The following LEMD3 variants were observed in gnomAD, a reference collection of about 807,000 sequenced individuals.
The protein encoded by LEMD3 is inner nuclear membrane protein Man1.
LEMD3 carries 33 observed loss-of-function variants against 95.2 expected under a neutral mutation model. The observed-to-expected ratio is 0.35, with a 90% confidence interval of 0.26 to 0.46. The LOEUF is 0.46. Ranked by LOEUF, LEMD3 falls within the 20% of genes least tolerant of loss-of-function variation. The pLI, the probability that LEMD3 is intolerant of heterozygous loss-of-function variation, is 1.00. For synonymous variants in LEMD3, 525 were observed against 474.6 expected (o/e 1.11, Z -1.38); for missense variants, 1,210 against 1,192.8 (o/e 1.01, Z -0.21).
intron 8 of LEMD3, chr12:65,240,518 G>T: frequency 2.3e-6 from 1 of 436,294 alleles, no homozygotes; most frequent in Non-Finnish European, 4.1e-6. Flanking sequence ...ATTTCATCTT[G>T]ATAAAGAAAT....
rs938644799 is a variant in LEMD3 at position 65,234,336 on chromosome 12, T to G, written c.1696-4166T>G. ...GACCAACCCCTGCCGTGCCCACAGC[T>G]TTCCAGGTGGCTACAAAAAGTGAAT... is the stretch of plus-strand genomic sequence containing the variant. On this transcript the variant is annotated intron_variant, in intron 4 of 12. Transcript: ENST00000308330. Among the ~76,000 whole-genome samples the G allele has an allele frequency of 1.2e-4, 18 of 152,306 alleles. 1 individual carries two copies. The highest frequency in any genetic ancestry group is 9.8e-4 in the Admixed American group (15 of 15,290).
chr12:65,239,288 G>T (rs1205157467), intron 6 of LEMD3, among the ~76,000 whole-genome samples: 4 of 151,856 alleles, frequency 2.6e-5, no homozygotes. Flanking sequence ...AGCTTTAGTG[G>T]CTCACACCTG....
At chr12:65,240,621 T>G in intron 8 of LEMD3, 1 of 428,072 alleles carries the variant, frequency 2.3e-6, no homozygotes, top group Non-Finnish European at 4.1e-6. Context: ...AAAATGCAAC[T>G]TTTTGAAAAT....
intron 10 of LEMD3, 64 bp from the exon 11 acceptor site, chr12:65,245,605 G>C (rs1304087870): frequency 9.6e-7 from 1 of 1,043,744 alleles, no homozygotes; most frequent in Non-Finnish European, 1.5e-6. Context: ...TGTTGTAAGA[G>C]ACAGTGAAGA....
At chr12:65,181,571 AAATTTGAGT>A in intron 1 of LEMD3, among the ~76,000 whole-genome samples, 1 of 152,166 alleles carries the variant, frequency 6.6e-6, no homozygotes, top group East Asian at 1.9e-4. Flanking sequence ...TAGTTTCTGT[AAATTTGAGT>A]ATACCATCTG....
intron 1 of LEMD3, among the ~76,000 whole-genome samples, chr12:65,192,892 T>C (rs1869288459): frequency 6.6e-6 from 1 of 152,216 alleles, no homozygotes; most frequent in Non-Finnish European, 1.5e-5. Context: ...TTTAAGTAGA[T>C]GTATTATAAC....
Position 65,170,414 on chromosome 12 carries a change from G to A in LEMD3, c.818G>A (p.Arg273Lys). 6.2e-7 allele frequency: 1 copy of A among 1,614,052 alleles called. No individual in the cohort carries two copies. ...EEDDDDVASSRQVLKDDSLSR... is the reference protein window; with the variant it reads ...EEDDDDVASSKQVLKDDSLSR... Reference sequence around the variant, plus strand: ...GACGACGACGACGTGGCCTCCAGCAGACAGGTATTAAAGGACGACTCCCTT... The same window carrying A: ...GACGACGACGACGTGGCCTCCAGCAAACAGGTATTAAAGGACGACTCCCTT... The change falls in exon 1 of 13, where the codon AGA (arginine) becomes AAA (lysine). Residue 273 changes from arginine to lysine, a missense_variant. Transcript: ENST00000308330.
intron 1 of LEMD3, among the ~76,000 whole-genome samples, chr12:65,202,147 G>A (rs1216371536): frequency 6.6e-6 from 1 of 151,520 alleles, no homozygotes; most frequent in African/African-American, 2.4e-5. Context: ...GGGATTACAA[G>A]CTACCCAACC....
chr12:65,210,107 TG>T (rs1428802324), intron 1 of LEMD3, among the ~76,000 whole-genome samples: 1 of 132,822 alleles, frequency 7.5e-6, no homozygotes, highest in Non-Finnish European at 1.6e-5. Flanking sequence ...TAAACATTTT[TG>T]TATCTTAATT....
At chr12:65,193,523 A>G (rs1869310025) in intron 1 of LEMD3, among the ~76,000 whole-genome samples, 1 of 152,042 alleles carries the variant, frequency 6.6e-6, no homozygotes, top group African/African-American at 2.4e-5. Flanking sequence ...GTCATATATC[A>G]GTTAAAATCC....
intron 1 of LEMD3, among the ~76,000 whole-genome samples, chr12:65,208,604 G>A (rs768778141): frequency 3.9e-5 from 6 of 152,084 alleles, no homozygotes; most frequent in Non-Finnish European, 7.4e-5. Context: ...ATACTGAAAT[G>A]ATTTGGGGAA....
chr12:65,230,880 G>C (rs1870605020), intron 4 of LEMD3, among the ~76,000 whole-genome samples: 2 of 152,166 alleles, frequency 1.3e-5, no homozygotes, highest in African/African-American at 2.4e-5. Flanking sequence ...TATGCTGTTG[G>C]CTGTGGGTTT....
In LEMD3 at chr12:65,169,681, G is replaced by A; in HGVS notation, c.85G>A (p.Gly29Arg). Residue 29 changes from glycine (G) to arginine (R), a missense_variant, in exon 1 of 13, where the codon GGA (glycine) becomes AGA (arginine). By Grantham distance (125) the Gly-to-Arg change is moderately radical (BLOSUM62 -2). Transcript: ENST00000308330. The part of the protein sequence containing the change: ...SQLRRYGLSP[G>R]PVTESTRPVY... ...GCTCCGCCGTTACGGCCTGTCTCCC[G>A]GACCAGTGACGGAGAGCACCCGCCC... The A allele has an allele frequency of 6.3e-7, 1 of 1,586,226 alleles. No individual in the cohort carries two copies. Among genetic ancestry groups the A allele is most frequent in the East Asian group, 2.3e-5 (1 of 43,842 alleles).
intron 4 of LEMD3, among the ~76,000 whole-genome samples, chr12:65,237,103 TA>T (rs1486838888): frequency 6.6e-6 from 1 of 152,058 alleles, no homozygotes; most frequent in African/African-American, 2.4e-5. Context: ...ATGTTTATAT[TA>T]AAAATTAAAA....
At chr12:65,233,667 A>G (rs1870694296) in intron 4 of LEMD3, among the ~76,000 whole-genome samples, 1 of 152,190 alleles carries the variant, frequency 6.6e-6, no homozygotes, top group Admixed American at 6.5e-5. Context: ...TATCAGTTTC[A>G]TAAACTATCC....
At chr12:65,208,597 C>T (rs561795138) in intron 1 of LEMD3, among the ~76,000 whole-genome samples, 1 of 152,126 alleles carries the variant, frequency 6.6e-6, no homozygotes, top group South Asian at 2.1e-4. Flanking sequence ...TTTAGAAATA[C>T]TGAAATGATT....
chr12:65,245,094 C>T (rs542089003), intron 10 of LEMD3, among the ~76,000 whole-genome samples: 300 of 151,286 alleles, frequency 2.0e-3, no homozygotes, highest in Non-Finnish European at 3.8e-3. Flanking sequence ...TATTCTGCAG[C>T]GGTGGGCTAG....
At chr12:65,198,054 ATGATGTGCACATT>A (rs2136328665) in intron 1 of LEMD3, among the ~76,000 whole-genome samples, 1 of 152,268 alleles carries the variant, frequency 6.6e-6, no homozygotes, top group East Asian at 1.9e-4. Flanking sequence ...ACATCTCCAA[ATGATGTGCACATT>A]TGTGCACATC....
At chr12:65,187,612 AAT>A (rs2136322620) in intron 1 of LEMD3, among the ~76,000 whole-genome samples, 1 of 151,994 alleles carries the variant, frequency 6.6e-6, no homozygotes, top group African/African-American at 2.4e-5. Flanking sequence ...TAAAAAAAAA[AAT>A]CTCACATTCT....
Sources: gnomAD v4.1 joint callset for allele counts (sites outside exome capture counted in the v4.1 genomes callset) on GRCh38, gnomAD v4.1.1 for gene constraint, MANE v1.5 for transcripts, NCBI Gene and HGNC (gene_info 2026-07-23, HGNC 2026-07-21) for gene names.